The following PATJ variants were observed in gnomAD, a reference collection of about 807,000 sequenced individuals.
PATJ encodes the protein PATJ crumbs cell polarity complex component.
PATJ carries 190 observed loss-of-function variants against 224.9 expected under a neutral mutation model. The observed-to-expected ratio is 0.84, with a 90% CI of 0.75 to 0.95. The LOEUF is 0.95. PATJ is among the 40% of genes least tolerant of loss of function. The pLI is 0.00. For missense variants in PATJ, 2,121 were observed against 2,270.3 expected (o/e 0.93, Z 1.34); for synonymous variants, 769 against 820.3 (o/e 0.94, Z 1.07).
At position 62,144,224 on chromosome 1, in the gene PATJ, C is replaced by T. The variant is rs532846870; in HGVS notation, c.5272-4060C>T. On this transcript the variant is annotated intron_variant, in intron 41 of 43. Transcript: ENST00000642238. ...AACTTGGACATAGCAGTGTTTTCCC[C>T]AGAATAGGATGCTTCACCCAAAATG... Among the ~76,000 whole-genome samples the T allele has an allele frequency of 4.6e-5, 7 of 152,216 alleles. No homozygotes were observed. The South Asian group carries it at 1.5e-3, about 32-fold the overall frequency.
In PATJ at chr1:61,827,490, C is replaced by T. The variant is rs1658483761; in HGVS notation, c.1887C>T (p.Pro629=). The T allele has an allele frequency of 1.9e-6, 3 of 1,613,882 alleles. No homozygotes were observed. Among genetic ancestry groups the T allele is most frequent in the Non-Finnish European group, 2.5e-6 (3 of 1,179,984 alleles). ...EAVSFLKEVP[P]PFTLVCCRRL... ...TCTCCTTTCTTAAAGAAGTGCCACC[C>T]CCTTTTACTTTGGTTTGCTGTCGGA... Residue 629 remains proline (P), a synonymous_variant, in exon 16 of 44, where the codon CCC becomes CCT. Transcript: ENST00000642238.
At chr1:61,818,484 C>T (rs1481491824) in intron 14 of PATJ, among the ~76,000 whole-genome samples, 1 of 152,184 alleles carries the variant, frequency 6.6e-6, no homozygotes, top group African/African-American at 2.4e-5. Context: ...AGATGAAATG[C>T]TTGATTTGTT....
intron 14 of PATJ, among the ~76,000 whole-genome samples, chr1:61,812,449 T>TGTGTGTGTGTGTGTGTGG: frequency 7.1e-6 from 1 of 141,360 alleles, no homozygotes; most frequent in African/African-American, 2.5e-5. Context: ...TGTGTGTGTG[T>TGTGTGTGTGTGTGTGTGG]GTGTGTGTGT....
Position 61,857,488 on chromosome 1 carries a change from A to G in PATJ, c.2322+1249A>G, listed in dbSNP as rs570305812. On this transcript the variant is annotated intron_variant, in intron 18 of 43. Transcript: ENST00000642238. ...TGTGCTCTTAGCCACAGTGCTGTAC[A>G]TGCCTGTCTTACTATGTTGTCACTT... Among the ~76,000 whole-genome samples, 3 of 152,322 alleles carry G rather than the reference A, an allele frequency of 2.0e-5. No individual in the cohort carries two copies. The South Asian group carries it at 6.2e-4, about 32-fold the overall frequency.
intron 31 of PATJ, among the ~76,000 whole-genome samples, chr1:62,061,266 C>T (rs1218014929): frequency 2.0e-5 from 3 of 152,086 alleles, no homozygotes; most frequent in African/African-American, 7.2e-5. Context: ...ACTACAATCT[C>T]TACCTCCCAG....
At chr1:62,135,276 G>A (rs1251045288) in intron 41 of PATJ, among the ~76,000 whole-genome samples, 1 of 152,078 alleles carries the variant, frequency 6.6e-6, no homozygotes, top group African/African-American at 2.4e-5. Flanking sequence ...CAGCACTTTG[G>A]GAGGCCGAGG....
chr1:61,933,016 T>C (rs1162260320), intron 27 of PATJ, among the ~76,000 whole-genome samples: 1 of 152,248 alleles, frequency 6.6e-6, no homozygotes, highest in Non-Finnish European at 1.5e-5. Flanking sequence ...AGCTCACTTA[T>C]CTTGCATAGT....
chr1:61,790,775 A>G (rs1649682335), intron 8 of PATJ, among the ~76,000 whole-genome samples: 1 of 151,526 alleles, frequency 6.6e-6, no homozygotes, highest in African/African-American at 2.4e-5. Flanking sequence ...CAGCCTCCCA[A>G]AGTGCTGGGA....
rs1570378180 is a variant in PATJ, at chr1:61,770,039, A to G, written c.524+617A>G. On this transcript the variant is annotated intron_variant, in intron 5 of 43. Transcript: ENST00000642238. ...CAGTCTTTGGTTTATTATTCATTTA[A>G]TAAGTATGCTATTCCAATGCACGTG... Among the ~76,000 whole-genome samples the G allele has an allele frequency of 2.6e-5, 4 of 152,250 alleles. 1 individual carries two copies. Among genetic ancestry groups the G allele is most frequent in the Admixed American group, 2.6e-4 (4 of 15,280 alleles).
At chr1:62,049,285 T>TCACA (rs1653152745) in intron 30 of PATJ, among the ~76,000 whole-genome samples, 2 of 94,038 alleles carry the variant, frequency 2.1e-5, no homozygotes, top group Admixed American at 9.6e-5. Context: ...ACACACAGAG[T>TCACA]ATTTTTTTTT....
In PATJ at chr1:62,128,587, T is replaced by C. The variant is rs1239953528; in HGVS notation, c.5167-254T>C. On this transcript the variant is annotated intron_variant, in intron 40 of 43. Coordinates refer to ENST00000642238, the MANE Select transcript of PATJ (RefSeq NM_001350145.3). ...AAATGGTTGTATGAAACACCACCATTACCAAAATACAAAAATGGCCTACTG... is the reference window on the plus strand; with the variant it reads ...AAATGGTTGTATGAAACACCACCATCACCAAAATACAAAAATGGCCTACTG... The C allele has an allele frequency of 1.1e-5, 5 of 454,488 alleles. No individual in the cohort carries two copies. The East Asian group carries it at 1.8e-4, about 16-fold the overall frequency. The allele number at this position is 454,488 out of a possible 1,614,324, so 28.2% of individuals were successfully genotyped here.
intron 20 of PATJ, 122 bp from the exon 21 acceptor site, chr1:61,875,121 C>T (rs1667177676): frequency 8.6e-6 from 5 of 583,616 alleles, no homozygotes; most frequent in East Asian, 3.1e-5. Flanking sequence ...TAAACCATTA[C>T]TTGAGAATGC....
Position 62,146,290 on chromosome 1 carries a change from A to G in PATJ, c.5272-1994A>G, listed in dbSNP as rs76039052. On this transcript the variant is annotated intron_variant, in intron 41 of 43. Transcript: ENST00000642238. ...AGGCAGAGATGTCACAGGACACATCACTGCAGATGACCCTAGAGGTTACAG... is the reference window on the plus strand; with the variant it reads ...AGGCAGAGATGTCACAGGACACATCGCTGCAGATGACCCTAGAGGTTACAG... Among the ~76,000 whole-genome samples, 218 of 152,286 alleles carry G rather than the reference A, an allele frequency of 1.4e-3. 1 individual carries two copies. Among genetic ancestry groups the G allele is most frequent in the African/African-American group, 4.9e-3 (202 of 41,558 alleles).
chr1:62,098,467 C>T (rs952131528), intron 33 of PATJ, among the ~76,000 whole-genome samples: 3 of 151,878 alleles, frequency 2.0e-5, no homozygotes, highest in Non-Finnish European at 4.4e-5. Flanking sequence ...TGGTGGTGTG[C>T]ACCTGTAATC....
At chr1:61,987,135 A>G (rs188267301) in intron 27 of PATJ, among the ~76,000 whole-genome samples, 1 of 152,116 alleles carries the variant, frequency 6.6e-6, no homozygotes, top group East Asian at 1.9e-4. Context: ...ATTTATTTCT[A>G]AACACCTGAG....
intron 28 of PATJ, among the ~76,000 whole-genome samples, chr1:62,002,333 T>A (rs1645824368): frequency 6.6e-6 from 1 of 152,206 alleles, no homozygotes; most frequent in Non-Finnish European, 1.5e-5. Context: ...GGATGAGTTA[T>A]ACTTTAAAAG....
intron 1 of PATJ, among the ~76,000 whole-genome samples, chr1:61,758,351 T>C (rs1645768739): frequency 6.6e-6 from 1 of 152,188 alleles, no homozygotes; most frequent in Non-Finnish European, 1.5e-5. Context: ...TAGTTTTTTT[T>C]GTTTGTTTTT....
chr1:62,117,533 G>T, intron 37 of PATJ: 1 of 547,830 alleles, frequency 1.8e-6, no homozygotes, highest in Non-Finnish European at 2.5e-6. Context: ...AACATCTGGT[G>T]GCAATTTGAC....
chr1:61,932,466 G>A lies in PATJ; in HGVS notation c.3670+4637G>A, dbSNP rs560723226. Among the ~76,000 whole-genome samples, 3 of 152,306 alleles carry A rather than the reference G, an allele frequency of 2.0e-5. No individual in the cohort carries two copies. The South Asian group carries it at 6.2e-4, about 32-fold the overall frequency. ...ATTGTGTTGTTTATGAGAGAAAGGT[G>A]TTTCAAGAAGGCTGTCACTGACCTT... On this transcript the variant is annotated intron_variant, in intron 27 of 43. Transcript: ENST00000642238.
Sources: allele counts gnomAD v4.1 joint callset (sites outside exome capture counted in the v4.1 genomes callset), GRCh38; gene constraint gnomAD v4.1.1; transcripts MANE v1.5; gene names NCBI Gene and HGNC (gene_info 2026-07-23, HGNC 2026-07-21).